EPHA6: variants seen among roughly 807,000 people sequenced by gnomAD.
The protein encoded by EPHA6 is EPH receptor A6.
EPHA6 carries 50 observed loss-of-function variants against 112.0 expected under a neutral mutation model. The observed-to-expected ratio is 0.45, with a 90% confidence interval of 0.36 to 0.56. EPHA6 has a LOEUF of 0.56. Among genes scored for constraint, EPHA6 ranks in the 20% least tolerant of loss-of-function variants. EPHA6 has a pLI of 0.00. For missense variants in EPHA6, 1,280 were observed against 1,417.4 expected (o/e 0.90, Z 1.56); for synonymous variants, 529 against 490.7 (o/e 1.08, Z -1.03).
At chr3:97,185,136 A>G (rs953177543) in intron 3 of EPHA6, among the ~76,000 whole-genome samples, 1 of 152,208 alleles carries the variant, frequency 6.6e-6, no homozygotes, top group Non-Finnish European at 1.5e-5. Flanking sequence ...AGGCAATACC[A>G]TTCAGGACAT....
intron 6 of EPHA6, among the ~76,000 whole-genome samples, chr3:97,436,092 TTA>T (rs1269389004): frequency 2.6e-5 from 4 of 152,142 alleles, no homozygotes; most frequent in African/African-American, 7.2e-5. Flanking sequence ...AGCCTTTATT[TTA>T]TGTTATTTTA....
intron 3 of EPHA6, among the ~76,000 whole-genome samples, chr3:97,062,258 CA>C (rs1559702511): frequency 6.6e-6 from 1 of 151,928 alleles, no homozygotes; most frequent in African/African-American, 2.4e-5. Flanking sequence ...GTAAATTGGA[CA>C]GGAAATGTTT....
intron 3 of EPHA6, among the ~76,000 whole-genome samples, chr3:97,211,221 A>T (rs1173895708): frequency 2.0e-5 from 3 of 152,084 alleles, no homozygotes; most frequent in African/African-American, 7.2e-5. Context: ...TTGTTGGGGC[A>T]TTTTTTTGGA....
chr3:96,938,492 C>T (rs1348419755), intron 2 of EPHA6, among the ~76,000 whole-genome samples: 1 of 152,174 alleles, frequency 6.6e-6, no homozygotes, highest in Non-Finnish European at 1.5e-5. Flanking sequence ...TGCTTGTCAG[C>T]TTAAGGAGAT....
chr3:97,490,037 C>G (rs1397671067), intron 10 of EPHA6, among the ~76,000 whole-genome samples: 7 of 151,980 alleles, frequency 4.6e-5, no homozygotes, highest in Non-Finnish European at 8.8e-5. Context: ...CCAAAACTTG[C>G]AAGTTGCCTC....
intron 14 of EPHA6, among the ~76,000 whole-genome samples, chr3:97,670,311 T>C (rs1185224283): frequency 1.3e-5 from 2 of 152,190 alleles, no homozygotes; most frequent in Non-Finnish European, 2.9e-5. Flanking sequence ...CATTGACTGG[T>C]ATCCGTAGTC....
chr3:97,672,662 AAAAG>A (rs1321602800), intron 14 of EPHA6, among the ~76,000 whole-genome samples: 1 of 152,144 alleles, frequency 6.6e-6, no homozygotes, highest in African/African-American at 2.4e-5. Flanking sequence ...AGGAAAGAAA[AAAAG>A]AGAGAAGGGA....
Position 97,361,225 on chromosome 3 carries a change from G to A in EPHA6, c.1607-43925G>A, listed in dbSNP as rs181356631. Among the ~76,000 whole-genome samples the A allele has an allele frequency of 2.3e-3, 349 of 152,282 alleles. 1 individual carries two copies. The highest frequency in any genetic ancestry group is 7.9e-3 in the African/African-American group (330 of 41,564). On this transcript the variant is annotated intron_variant, in intron 5 of 17. Coordinates refer to ENST00000389672, the MANE Select transcript of EPHA6 (RefSeq NM_001080448.3). Reference sequence around the variant, plus strand: ...CTAGAGTTGCTGTAACTATCAGTAAGAAACCGTGTTAATAAATAGCTTTGT... The same window carrying A: ...CTAGAGTTGCTGTAACTATCAGTAAAAAACCGTGTTAATAAATAGCTTTGT...
At chr3:97,239,601 T>C (rs887919250) in intron 4 of EPHA6, among the ~76,000 whole-genome samples, 1 of 151,844 alleles carries the variant, frequency 6.6e-6, no homozygotes, top group Admixed American at 6.6e-5. Flanking sequence ...GAAGATAAAA[T>C]GTATTCACTA....
chr3:97,688,384 T>G (rs2032408037), intron 14 of EPHA6, among the ~76,000 whole-genome samples: 1 of 152,006 alleles, frequency 6.6e-6, no homozygotes, highest in Non-Finnish European at 1.5e-5. Context: ...CTAAATGAGA[T>G]TATCACTTTT....
intron 2 of EPHA6, among the ~76,000 whole-genome samples, chr3:96,913,811 A>T (rs893527751): frequency 2.6e-5 from 4 of 152,204 alleles, no homozygotes; most frequent in Non-Finnish European, 5.9e-5. Flanking sequence ...TAACAAAAAA[A>T]TCACTATTGA....
chr3:97,724,021 G>A (rs1043999959), intron 15 of EPHA6, among the ~76,000 whole-genome samples: 2 of 152,086 alleles, frequency 1.3e-5, no homozygotes, highest in African/African-American at 4.8e-5. Context: ...TACCAAGCAA[G>A]GCCTCTTTTA....
intron 6 of EPHA6, chr3:97,441,460 A>G (rs1226096075): frequency 2.0e-6 from 2 of 976,578 alleles, no homozygotes; most frequent in South Asian, 4.7e-5. Flanking sequence ...TCAACTAGAC[A>G]TCTGCCAAAA....
chr3:97,446,122 T>A (rs1378439856), intron 6 of EPHA6, among the ~76,000 whole-genome samples: 1 of 152,172 alleles, frequency 6.6e-6, no homozygotes, highest in East Asian at 1.9e-4. Flanking sequence ...TACCTATGCA[T>A]ATCATAGACA....
chr3:96,963,861 A>G (rs552243714), intron 2 of EPHA6, among the ~76,000 whole-genome samples: 38 of 152,296 alleles, frequency 2.5e-4, no homozygotes, highest in Admixed American at 5.9e-4. Flanking sequence ...CTATAAACCT[A>G]TTCTTCAATT....
chr3:96,865,615 CA>C (rs1207112560), intron 1 of EPHA6, among the ~76,000 whole-genome samples: 1 of 135,744 alleles, frequency 7.4e-6, no homozygotes, highest in Non-Finnish European at 1.5e-5. Flanking sequence ...TCTAGGAGTT[CA>C]AAGCTTCAGT....
intron 2 of EPHA6, among the ~76,000 whole-genome samples, chr3:96,925,402 T>G (rs1053629998): frequency 6.6e-6 from 1 of 152,154 alleles, no homozygotes; most frequent in Non-Finnish European, 1.5e-5. Flanking sequence ...AATTTATCCA[T>G]TTCTTCTAGA....
At chr3:97,610,405 G>C (rs574368708) in intron 12 of EPHA6, among the ~76,000 whole-genome samples, 1 of 151,598 alleles carries the variant, frequency 6.6e-6, no homozygotes, top group Non-Finnish European at 1.5e-5. Context: ...CACTGCCTTA[G>C]AAGTTGTACC....
Position 96,814,770 on chromosome 3 carries a change from C to T in EPHA6, c.147C>T (p.Pro49=), listed in dbSNP as rs1174451006. The T allele has an allele frequency of 1.2e-6, 2 of 1,602,690 alleles. No homozygotes were observed. Among genetic ancestry groups the T allele is most frequent in the South Asian group, 1.1e-5 (1 of 90,158 alleles). The change falls in exon 1 of 18, where the codon CCC becomes CCT. Residue 49 remains proline (P), a synonymous_variant. Transcript: ENST00000389672. ...GTSRRGRPGT[P]PAGRVEEEEE... ...CGCGCAGGGGGCGCCCCGGGACACC[C>T]CCTGCGGGCCGGGTGGAGGAGGAAG...
Sources: allele counts gnomAD v4.1 joint callset (sites outside exome capture counted in the v4.1 genomes callset), GRCh38; gene constraint gnomAD v4.1.1; transcripts MANE v1.5; gene names NCBI Gene and HGNC (gene_info 2026-07-23, HGNC 2026-07-21).